DOCK4: variants seen among roughly 807,000 people sequenced by gnomAD.
DOCK4 encodes the protein dedicator of cytokinesis protein 4.
Under a neutral mutation model 268.1 loss-of-function variants are expected in DOCK4, and 97 were observed. The observed-to-expected ratio is 0.36, with a 90% CI of 0.31 to 0.43. DOCK4 has a LOEUF of 0.43. Among genes scored for constraint, DOCK4 ranks in the 20% least tolerant of loss-of-function variants. The pLI is 1.00. For missense variants in DOCK4, 2,145 were observed against 2,455.7 expected (o/e 0.87, Z 2.67); for synonymous variants, 954 against 887.2 (o/e 1.08, Z -1.34).
chr7:111,908,322 C>G (rs1791777663), intron 13 of DOCK4, among the ~76,000 whole-genome samples: 1 of 151,708 alleles, frequency 6.6e-6, no homozygotes, highest in South Asian at 2.1e-4. Flanking sequence ...GTGGCGGGCG[C>G]CTGTAGTCCC....
chr7:111,797,714 T>A (rs1799996530), intron 30 of DOCK4, among the ~76,000 whole-genome samples: 1 of 152,068 alleles, frequency 6.6e-6, no homozygotes, highest in Non-Finnish European at 1.5e-5. Flanking sequence ...TAGAAGGCCA[T>A]GGAAAATGAG....
rs1258144055 is a variant in DOCK4 at position 111,732,102 on chromosome 7, CTGAT to C, written c.5481+120_5481+123del. On this transcript the variant is annotated intron_variant, in intron 52 of 52. Transcript: ENST00000428084. ...TTTTCTCAACCAGCTTCCCCTATCC[CTGAT>C]TGATAAGTTCTTTGCCTGGTCCCTG... 46 of 970,654 alleles carry C rather than the reference CTGAT, an allele frequency of 4.7e-5. 3 individuals are homozygous for C. In the Middle Eastern group the frequency reaches 5.1e-3, roughly 107 times the overall value. The allele number at this position is 970,654 out of a possible 1,614,324, so 60.1% of individuals were successfully genotyped here.
intron 1 of DOCK4, among the ~76,000 whole-genome samples, chr7:112,190,344 G>A (rs972963853): frequency 3.3e-5 from 5 of 152,314 alleles, no homozygotes; most frequent in Non-Finnish European, 5.9e-5. Flanking sequence ...AGAGGCAGCT[G>A]CAGGGCACAG....
chr7:111,854,212 G>A (rs1304764209), intron 23 of DOCK4, among the ~76,000 whole-genome samples: 1 of 152,224 alleles, frequency 6.6e-6, no homozygotes, highest in Non-Finnish European at 1.5e-5. Context: ...TTCACAGGCA[G>A]ACAGCCTGGT....
chr7:112,086,075 A>G (rs1345792112), intron 1 of DOCK4, among the ~76,000 whole-genome samples: 2 of 152,150 alleles, frequency 1.3e-5, no homozygotes, highest in Non-Finnish European at 2.9e-5. Context: ...ATTTTGAGGT[A>G]ATATAACACC....
intron 8 of DOCK4, 57 bp from the exon 9 acceptor site, chr7:111,945,855 C>T: frequency 7.8e-7 from 1 of 1,289,206 alleles, no homozygotes; most frequent in Non-Finnish European, 1.1e-6. Flanking sequence ...AAAGATTTAT[C>T]CCTCTGTAAC....
intron 1 of DOCK4, among the ~76,000 whole-genome samples, chr7:112,194,994 G>A (rs1288253982): frequency 6.6e-6 from 1 of 152,144 alleles, no homozygotes; most frequent in Non-Finnish European, 1.5e-5. Flanking sequence ...AAAACAAACT[G>A]GAGGCTGGGC....
chr7:112,108,728 CCTTT>C (rs1554446393), intron 1 of DOCK4, among the ~76,000 whole-genome samples: 1 of 152,170 alleles, frequency 6.6e-6, no homozygotes, highest in Non-Finnish European at 1.5e-5. Context: ...TTAATTACAT[CCTTT>C]CTATTTATCA....
intron 30 of DOCK4, chr7:111,807,855 G>A (rs1463618482): frequency 6.6e-6 from 1 of 151,192 alleles, no homozygotes. Flanking sequence ...ATATACCAAG[G>A]CTCCCTCAAG....
intron 8 of DOCK4, among the ~76,000 whole-genome samples, chr7:111,970,533 C>G (rs1010600600): frequency 2.0e-4 from 30 of 152,168 alleles, no homozygotes; most frequent in African/African-American, 7.0e-4. Context: ...GATTCCCTCC[C>G]TTTCCCAGTA....
chr7:111,832,501 T>G (rs114505171), intron 26 of DOCK4, among the ~76,000 whole-genome samples: 13 of 152,294 alleles, frequency 8.5e-5, no homozygotes, highest in African/African-American at 3.1e-4. Context: ...TAATTAATAT[T>G]ATTAAATAAT....
intron 12 of DOCK4, among the ~76,000 whole-genome samples, chr7:111,924,127 C>T (rs1172036619): frequency 2.6e-5 from 4 of 152,140 alleles, no homozygotes; most frequent in African/African-American, 9.7e-5. Context: ...CATTAGAAAT[C>T]TCTTTTGCTA....
chr7:112,022,168 G>A (rs948526001), intron 1 of DOCK4, among the ~76,000 whole-genome samples: 3 of 152,188 alleles, frequency 2.0e-5, no homozygotes, highest in African/African-American at 7.2e-5. Context: ...GCTGTGGTAT[G>A]TGTTTAGCGC....
At chr7:111,901,427 G>A (rs372363482) in intron 14 of DOCK4, among the ~76,000 whole-genome samples, 1 of 145,606 alleles carries the variant, frequency 6.9e-6, no homozygotes, top group Admixed American at 6.9e-5. Context: ...AAAAGTTGTT[G>A]TTTTTTTTTC....
chr7:111,911,466 G>A (rs544051632), intron 13 of DOCK4, among the ~76,000 whole-genome samples: 1 of 151,496 alleles, frequency 6.6e-6, no homozygotes, highest in South Asian at 2.1e-4. Context: ...TAAAAAGCCA[G>A]AGGAAGAAAG....
chr7:112,099,128 A>G (rs1363013247), intron 1 of DOCK4, among the ~76,000 whole-genome samples: 1 of 151,298 alleles, frequency 6.6e-6, no homozygotes, highest in Admixed American at 6.6e-5. Flanking sequence ...CGTCTCTACA[A>G]AAAAATACAA....
At chr7:112,071,280 G>A (rs1233242989) in intron 1 of DOCK4, among the ~76,000 whole-genome samples, 1 of 152,160 alleles carries the variant, frequency 6.6e-6, no homozygotes, top group African/African-American at 2.4e-5. Context: ...CTCGGACACA[G>A]ATTTTTTTCT....
chr7:111,806,820 C>T (rs1800710039), intron 30 of DOCK4, among the ~76,000 whole-genome samples: 1 of 152,180 alleles, frequency 6.6e-6, no homozygotes, highest in African/African-American at 2.4e-5. Flanking sequence ...TAACAAAATA[C>T]TGCATTATAG....
intron 1 of DOCK4, among the ~76,000 whole-genome samples, chr7:112,113,428 G>A (rs1204646204): frequency 6.6e-6 from 1 of 151,924 alleles, no homozygotes; most frequent in Admixed American, 6.6e-5. Context: ...TGATTATTAA[G>A]GCAGGTAAGG....
Sources: gnomAD v4.1 joint callset for allele counts (sites outside exome capture counted in the v4.1 genomes callset) on GRCh38, gnomAD v4.1.1 for gene constraint, MANE v1.5 for transcripts, NCBI Gene and HGNC (gene_info 2026-07-23, HGNC 2026-07-21) for gene names.